OSBPL9: variants seen among roughly 807,000 people sequenced by gnomAD.
The protein encoded by OSBPL9 is oxysterol binding protein like 9.
Under a neutral mutation model 106.6 loss-of-function variants are expected in OSBPL9, and 40 were observed. The observed-to-expected ratio is 0.38, with a 90% CI of 0.29 to 0.49. OSBPL9 has a LOEUF of 0.49. OSBPL9 is among the 20% of genes least tolerant of loss of function. The pLI, the probability that OSBPL9 is intolerant of heterozygous loss-of-function variation, is 0.97. For synonymous variants in OSBPL9, 269 were observed against 295.4 expected, an observed-to-expected ratio of 0.91 and a Z score of 0.92; for missense variants, 609 against 887.2, an observed-to-expected ratio of 0.69 and a Z score of 3.98.
chr1:51,660,137 AAAG>A (rs1355520091), intron 2 of OSBPL9, among the ~76,000 whole-genome samples: 5 of 152,176 alleles, frequency 3.3e-5, no homozygotes, highest in East Asian at 3.8e-4. Flanking sequence ...CATATGAAAA[AAAG>A]AAGATTACTC....
At chr1:51,661,957 C>T (rs541420495) in intron 2 of OSBPL9, among the ~76,000 whole-genome samples, 7 of 152,156 alleles carry the variant, frequency 4.6e-5, no homozygotes, top group African/African-American at 1.7e-4. Flanking sequence ...TAGGCTGTGG[C>T]GGAGAGTGAC....
chr1:51,550,829 A>C, the OSBPL9 span, among the ~76,000 whole-genome samples: 1 of 152,150 alleles, frequency 6.6e-6, no homozygotes, highest in Non-Finnish European at 1.5e-5. Flanking sequence ...CATTTAAACA[A>C]AATAAAATCC....
chr1:51,557,062 ATCT>A, the OSBPL9 span, among the ~76,000 whole-genome samples: 1 of 152,016 alleles, frequency 6.6e-6, no homozygotes, highest in Non-Finnish European at 1.5e-5. Context: ...GTATCAAAAT[ATCT>A]CATGTACCCC....
At position 51,705,177 on chromosome 1, in the gene OSBPL9, C is replaced by A. The variant is rs140115740; in HGVS notation, c.242-8826C>A. Among the ~76,000 whole-genome samples the A allele has an allele frequency of 2.0e-3, 296 of 151,430 alleles. 1 individual carries two copies. Among genetic ancestry groups the A allele is most frequent in the South Asian group, 0.015 (72 of 4,810 alleles). On this transcript the variant is annotated intron_variant, in intron 3 of 23. Coordinates refer to ENST00000428468, the MANE Select transcript of OSBPL9 (RefSeq NM_024586.6). ...CACTCCAAATCACTAAAGAAATCTT[C>A]CTCATTCCTGTTTTTTTAAGAGATG...
chr1:51,781,432 A>C, intron 16 of OSBPL9, 97 bp downstream of exon 16: 1 of 1,233,634 alleles, frequency 8.1e-7, no homozygotes, highest in Non-Finnish European at 1.1e-6. Context: ...AATGATCAAA[A>C]GATGGTCACC....
At position 51,640,690 on chromosome 1, in the gene OSBPL9, G is replaced by C. The variant is rs1404603331; in HGVS notation, c.112-11301G>C. Among the ~76,000 whole-genome samples the C allele has an allele frequency of 2.0e-5, 3 of 152,138 alleles. No individual in the cohort carries two copies. In the East Asian group the frequency reaches 5.8e-4, roughly 29 times the overall value. ...GATGAGTAAGATAACTGGGAAAGTG[G>C]TCTGGGACCATTCATTGAGCAGACA... On this transcript the variant is annotated intron_variant, in intron 1 of 23. Coordinates refer to ENST00000428468, the MANE Select transcript of OSBPL9 (RefSeq NM_024586.6).
chr1:51,581,463 C>T (rs1645221331), intron 1 of OSBPL9, among the ~76,000 whole-genome samples: 1 of 152,162 alleles, frequency 6.6e-6, no homozygotes. Flanking sequence ...CCATACTGCA[C>T]TCTTTAAAAG....
At chr1:51,780,522 A>G (rs116021285) in intron 15 of OSBPL9, among the ~76,000 whole-genome samples, 2 of 152,372 alleles carry the variant, frequency 1.3e-5, no homozygotes, top group East Asian at 1.9e-4. Flanking sequence ...ATACTGTGGA[A>G]TGCTACTCAG....
intron 1 of OSBPL9, among the ~76,000 whole-genome samples, chr1:51,594,279 C>T (rs370673503): frequency 6.6e-5 from 10 of 151,960 alleles, no homozygotes; most frequent in African/African-American, 2.2e-4. Context: ...GGCGTGGTGG[C>T]GGGCACCAGC....
the OSBPL9 span, among the ~76,000 whole-genome samples, chr1:51,559,110 A>G: frequency 1.3e-5 from 2 of 152,176 alleles, no homozygotes; most frequent in Non-Finnish European, 2.9e-5. Flanking sequence ...CCATCTTACT[A>G]GGCTGGGACC....
intron 1 of OSBPL9, among the ~76,000 whole-genome samples, chr1:51,639,280 G>A (rs56737883): frequency 0.031 from 4,769 of 152,222 alleles, 145 homozygotes; most frequent in Middle Eastern, 0.088. Context: ...TGCCTGTCAA[G>A]TTTTCCTCCT....
At position 51,781,189 on chromosome 1, in the gene OSBPL9, G is replaced by A. The variant is rs774297569; in HGVS notation, c.1282G>A (p.Asp428Asn). The A allele has an allele frequency of 5.5e-5, 89 of 1,613,886 alleles. 1 individual carries two copies. The East Asian group carries it at 1.9e-3, about 35-fold the overall frequency. Residue 428 changes from aspartate (D) to asparagine (N), a missense_variant, in exon 16 of 24, where the codon GAT (aspartate) becomes AAT (asparagine). Transcript: ENST00000428468. ...VSISDQKDPK[D>N]RMVQVVKWYL... The stretch of plus-strand genomic sequence containing the variant: ...CATTAGTGACCAGAAGGATCCCAAG[G>A]ATCGAATGGTTCAGGTTGTGAAATG...
At position 51,677,550 on chromosome 1, in the gene OSBPL9, CT is replaced by C. The variant is rs199805610; in HGVS notation, c.241+8052del. ...CATTTTCAAAGGACTTTACGGAAAA[CT>C]TTTTTTTTTTTTTGAGACGGAGTCT... On this transcript the variant is annotated intron_variant, in intron 3 of 23. Coordinates refer to ENST00000428468, the MANE Select transcript of OSBPL9 (RefSeq NM_024586.6). Among the ~76,000 whole-genome samples, 1,129 of 145,492 alleles carry C rather than the reference CT, an allele frequency of 7.8e-3. 8 individuals carry two copies. Among genetic ancestry groups the C allele is most frequent in the Non-Finnish European group, 9.0e-3 (588 of 65,678 alleles).
the OSBPL9 span, among the ~76,000 whole-genome samples, chr1:51,546,469 G>A: frequency 2.6e-5 from 4 of 151,988 alleles, no homozygotes; most frequent in East Asian, 3.9e-4. Context: ...ATGCCGAGGC[G>A]GGTGGATCAC....
At chr1:51,542,202 TA>T in the OSBPL9 span, among the ~76,000 whole-genome samples, 1 of 152,212 alleles carries the variant, frequency 6.6e-6, no homozygotes, top group African/African-American at 2.4e-5. Flanking sequence ...ACAGCCTTTC[TA>T]AAATTGCAAA....
chr1:51,780,491 T>C (rs1676110640), intron 15 of OSBPL9, among the ~76,000 whole-genome samples: 1 of 151,862 alleles, frequency 6.6e-6, no homozygotes, highest in Admixed American at 6.6e-5. Context: ...AACAAGCAAA[T>C]AAAGAAAACG....
chr1:51,658,601 G>A (rs1299819957), intron 2 of OSBPL9, among the ~76,000 whole-genome samples: 4 of 152,132 alleles, frequency 2.6e-5, no homozygotes, highest in Non-Finnish European at 5.9e-5. Flanking sequence ...CTAGGTATCA[G>A]AATTGAATGT....
chr1:51,531,618 GA>G, the OSBPL9 span, among the ~76,000 whole-genome samples: 1 of 152,194 alleles, frequency 6.6e-6, no homozygotes, highest in South Asian at 2.1e-4. Context: ...AATTTAGAGA[GA>G]ATATCGGGAA....
chr1:51,757,240 AG>A (rs1228203186), intron 9 of OSBPL9, among the ~76,000 whole-genome samples: 1 of 152,158 alleles, frequency 6.6e-6, no homozygotes, highest in African/African-American at 2.4e-5. Context: ...GTATTTCTTA[AG>A]AAAGCAGAAG....
Sources: allele counts gnomAD v4.1 joint callset (sites outside exome capture counted in the v4.1 genomes callset), GRCh38; gene constraint gnomAD v4.1.1; transcripts MANE v1.5; gene names NCBI Gene and HGNC (gene_info 2026-07-23, HGNC 2026-07-21).